BTBD9: variants seen among roughly 807,000 people sequenced by gnomAD.
The protein encoded by BTBD9 is BTB/POZ domain-containing protein 9.
Under a neutral mutation model 64.3 loss-of-function variants are expected in BTBD9, and 49 were observed. The ratio of observed to expected loss-of-function variants is 0.76; its 90% CI spans 0.61 to 0.97. The LOEUF (loss-of-function observed/expected upper bound fraction) is 0.97, where lower values mean the gene tolerates loss of function less well. BTBD9 is among the 50% of genes least tolerant of loss of function. The probability of loss-of-function intolerance (pLI) is 0.00; values close to 1 mark genes in which losing one functional copy is unlikely to be tolerated. For synonymous variants in BTBD9, 260 were observed against 274.7 expected (o/e 0.95, Z 0.53); for missense variants, 598 against 762.1 (o/e 0.78, Z 2.53).
intron 6 of BTBD9, among the ~76,000 whole-genome samples, chr6:38,443,352 C>T (rs1036582877): frequency 2.8e-4 from 42 of 152,184 alleles, no homozygotes; most frequent in African/African-American, 9.9e-4. Flanking sequence ...ACTTACCACA[C>T]CTCAATGCCT....
intron 6 of BTBD9, among the ~76,000 whole-genome samples, chr6:38,448,705 A>G (rs1362389581): frequency 6.6e-6 from 1 of 152,104 alleles, no homozygotes; most frequent in East Asian, 1.9e-4. Context: ...TTTAGTAGAG[A>G]CGGGGTTTTG....
chr6:38,227,088 T>C (rs1018685070), intron 9 of BTBD9, among the ~76,000 whole-genome samples: 5 of 152,190 alleles, frequency 3.3e-5, no homozygotes, highest in Non-Finnish European at 7.3e-5. Context: ...AGAGGCTTGC[T>C]CACCCACTGT....
At chr6:38,504,349 G>C (rs9380754) in intron 6 of BTBD9, 246,873 of 294,154 alleles carry the variant, frequency 0.84, 104,384 homozygotes, top group East Asian at 1. Context: ...AACTGATGAT[G>C]GGCTATTATT....
At chr6:38,261,142 TCTCCAA>T (rs2127537988) in intron 8 of BTBD9, among the ~76,000 whole-genome samples, 1 of 152,002 alleles carries the variant, frequency 6.6e-6, no homozygotes, top group South Asian at 2.1e-4. Flanking sequence ...CCTAGGCTAG[TCTCCAA>T]CTCCTGGCCT....
intron 6 of BTBD9, among the ~76,000 whole-genome samples, chr6:38,492,254 G>C (rs1771736155): frequency 6.6e-6 from 1 of 152,186 alleles, no homozygotes; most frequent in South Asian, 2.1e-4. Context: ...AGTTTTTAAA[G>C]GAGGGAGATG....
chr6:38,410,639 G>C (rs1046858535), intron 6 of BTBD9, among the ~76,000 whole-genome samples: 1 of 152,038 alleles, frequency 6.6e-6, no homozygotes, highest in African/African-American at 2.4e-5. Context: ...ATATTACCTG[G>C]TCATGTAACA....
At chr6:38,617,731 A>G (rs1337166124) in intron 1 of BTBD9, among the ~76,000 whole-genome samples, 1 of 152,162 alleles carries the variant, frequency 6.6e-6, no homozygotes, top group Non-Finnish European at 1.5e-5. Flanking sequence ...TCACTGTTCC[A>G]ATGCTGGAAA....
intron 9 of BTBD9, among the ~76,000 whole-genome samples, chr6:38,214,032 A>AATAATAATT (rs1762926952): frequency 6.6e-6 from 1 of 150,886 alleles, no homozygotes; most frequent in Non-Finnish European, 1.5e-5. Flanking sequence ...TAATAATAAT[A>AATAATAATT]ATTTCTCCCT....
chr6:38,237,961 G>C lies in BTBD9; in HGVS notation c.1562+18448C>G, dbSNP rs116486093. Among the ~76,000 whole-genome samples, 688 of 152,194 alleles carry C rather than the reference G, an allele frequency of 4.5e-3. 3 individuals are homozygous for C. The highest frequency in any genetic ancestry group is 0.016 in the African/African-American group (657 of 41,540). ...GAGACCAGCCTGGGCAATAAAGAGA[G>C]TCCCTGTCTCTATTTAAAAAAAATA... On this transcript the variant is annotated intron_variant, in intron 9 of 10. Coordinates refer to ENST00000481247, the MANE Select transcript of BTBD9 (RefSeq NM_001099272.2).
intron 6 of BTBD9, among the ~76,000 whole-genome samples, chr6:38,509,466 A>C (rs1562278257): frequency 6.6e-6 from 1 of 152,220 alleles, no homozygotes; most frequent in Non-Finnish European, 1.5e-5. Flanking sequence ...TTGACCTTAT[A>C]AATACTGGCT....
At chr6:38,583,226 G>A (rs1215177695) in intron 4 of BTBD9, among the ~76,000 whole-genome samples, 6 of 152,180 alleles carry the variant, frequency 3.9e-5, no homozygotes, top group Admixed American at 6.5e-5. Flanking sequence ...GGCTGGGCAC[G>A]GTGGCTCATG....
intron 6 of BTBD9, among the ~76,000 whole-genome samples, chr6:38,415,188 G>A (rs1473733603): frequency 6.6e-6 from 1 of 152,094 alleles, no homozygotes; most frequent in Non-Finnish European, 1.5e-5. Flanking sequence ...CCCAAAATCT[G>A]TGAGTATATT....
intron 6 of BTBD9, among the ~76,000 whole-genome samples, chr6:38,543,829 C>A (rs889058163): frequency 6.6e-6 from 1 of 151,780 alleles, no homozygotes; most frequent in Non-Finnish European, 1.5e-5. Context: ...TGTTGGCGGG[C>A]GCCTGTAGTC....
chr6:38,216,475 T>A (rs146309356), intron 9 of BTBD9, among the ~76,000 whole-genome samples: 27 of 152,258 alleles, frequency 1.8e-4, no homozygotes, highest in Admixed American at 7.2e-4. Context: ...AAACACAGGC[T>A]CCCTCTTAAG....
intron 6 of BTBD9, among the ~76,000 whole-genome samples, chr6:38,572,022 C>T (rs563106824): frequency 6.6e-6 from 1 of 151,536 alleles, no homozygotes; most frequent in South Asian, 2.1e-4. Flanking sequence ...AAAACAATGA[C>T]CAGAAAATAT....
At chr6:38,552,462 G>A (rs1247797847) in intron 6 of BTBD9, among the ~76,000 whole-genome samples, 4 of 152,142 alleles carry the variant, frequency 2.6e-5, no homozygotes, top group African/African-American at 9.7e-5. Flanking sequence ...TGGCAAGGCT[G>A]GCCCAATCTC....
At chr6:38,210,532 GTGTT>G (rs1339985162) in intron 9 of BTBD9, among the ~76,000 whole-genome samples, 22 of 86,670 alleles carry the variant, frequency 2.5e-4, no homozygotes, top group African/African-American at 7.7e-4. Flanking sequence ...GAGAGTGCGT[GTGTT>G]TGTGTGTGTG....
intron 6 of BTBD9, among the ~76,000 whole-genome samples, chr6:38,354,063 A>G (rs1162858856): frequency 6.6e-6 from 1 of 152,194 alleles, no homozygotes; most frequent in African/African-American, 2.4e-5. Flanking sequence ...AAGGAAAAAG[A>G]ATTAGTCTCT....
At chr6:38,364,798 A>C (rs1765121509) in intron 6 of BTBD9, among the ~76,000 whole-genome samples, 2 of 152,220 alleles carry the variant, frequency 1.3e-5, no homozygotes, top group Admixed American at 1.3e-4. Flanking sequence ...AACATATCAT[A>C]CACTGGAAAA....
Sources: allele counts gnomAD v4.1 joint callset (sites outside exome capture counted in the v4.1 genomes callset), GRCh38; gene constraint gnomAD v4.1.1; transcripts MANE v1.5; gene names NCBI Gene and HGNC (gene_info 2026-07-23, HGNC 2026-07-21).